LHFPL7: variants seen among roughly 807,000 people sequenced by gnomAD.
LHFPL7 encodes the protein LHFPL tetraspan subfamily member 7 protein.
At chr22:24,938,070 C>CTCCAT in the LHFPL7 span, 21 of 1,498,682 alleles carry the variant, frequency 1.4e-5, no homozygotes, top group African/African-American at 1.4e-4. Flanking sequence ...TGCTCACAGA[C>CTCCAT]TCATTCATTC....
the LHFPL7 span, among the ~76,000 whole-genome samples, chr22:24,942,532 C>T: frequency 5.1e-3 from 771 of 152,316 alleles, 5 homozygotes; most frequent in African/African-American, 0.014. Flanking sequence ...CAGGCACCTG[C>T]GGCACAACCT....
the LHFPL7 span, chr22:24,938,071 T>A: frequency 9.7e-6 from 13 of 1,340,174 alleles, no homozygotes; most frequent in East Asian, 2.6e-5. Context: ...GCTCACAGAC[T>A]CATTCATTCA....
At chr22:24,939,951 A>T in the LHFPL7 span, among the ~76,000 whole-genome samples, 65,994 of 115,850 alleles carry the variant, frequency 0.57, 17,694 homozygotes, top group Admixed American at 0.66. Context: ...TTTTTGAGAC[A>T]GATTATTGCT....
the LHFPL7 span, chr22:24,935,143 C>G: frequency 1.4e-6 from 1 of 701,992 alleles, no homozygotes; most frequent in Non-Finnish European, 2.3e-6. Flanking sequence ...CCAGTGAATT[C>G]TCAGAACAAC....
chr22:24,941,060 GT>G, the LHFPL7 span, among the ~76,000 whole-genome samples: 10,746 of 147,460 alleles, frequency 0.073, 1,012 homozygotes, highest in African/African-American at 0.22. Context: ...CAGCCACTTT[GT>G]TTTTTTTTTA....
chr22:24,936,290 T>TCATCCTACATCCTACATCCTA, the LHFPL7 span, among the ~76,000 whole-genome samples: 2 of 152,134 alleles, frequency 1.3e-5, no homozygotes, highest in Non-Finnish European at 2.9e-5. Context: ...CACCCATCTC[T>TCATCCTACATCCTACATCCTA]CATCCTACAT....
chr22:24,946,411 CCACCCACCCACCCA>C, the LHFPL7 span, among the ~76,000 whole-genome samples: 1 of 110,836 alleles, frequency 9.0e-6, no homozygotes, highest in South Asian at 3.9e-4. Context: ...GCACATGCAC[CCACCCACCCACCCA>C]CACACACACA....
At chr22:24,946,048 A>G in the LHFPL7 span, among the ~76,000 whole-genome samples, 2 of 152,302 alleles carry the variant, frequency 1.3e-5, no homozygotes, top group South Asian at 2.1e-4. Flanking sequence ...GGTGGCTCAC[A>G]CCTATAATCC....
At chr22:24,942,059 G>T in the LHFPL7 span, among the ~76,000 whole-genome samples, 9 of 151,944 alleles carry the variant, frequency 5.9e-5, no homozygotes, top group East Asian at 1.6e-3. Flanking sequence ...GCAGTGGCAC[G>T]ATCTCCATTC....
the LHFPL7 span, chr22:24,935,296 T>C: frequency 6.3e-7 from 1 of 1,590,292 alleles, no homozygotes; most frequent in African/African-American, 1.3e-5. Context: ...TTCATAAAAC[T>C]CTGGAGTGTG....
chr22:24,935,147 G>A, the LHFPL7 span: 847 of 722,984 alleles, frequency 1.2e-3, 2 homozygotes, highest in Non-Finnish European at 1.7e-3. Flanking sequence ...TGAATTCTCA[G>A]AACAACCTTA....
chr22:24,940,583 G>A, the LHFPL7 span, among the ~76,000 whole-genome samples: 10 of 147,042 alleles, frequency 6.8e-5, no homozygotes, highest in Non-Finnish European at 1.3e-4. Context: ...GCGACAGAGC[G>A]AGACTCCGTC....
chr22:24,942,495 A>G, the LHFPL7 span, among the ~76,000 whole-genome samples: 1 of 152,198 alleles, frequency 6.6e-6, no homozygotes, highest in Non-Finnish European at 1.5e-5. Context: ...GCTGCCAACC[A>G]GGCCAAGGGC....
the LHFPL7 span, chr22:24,935,631 C>T: frequency 7.6e-6 from 12 of 1,585,716 alleles, no homozygotes; most frequent in South Asian, 1.2e-4. Flanking sequence ...ATGTGTTGGC[C>T]AAGGGGTACC....
At chr22:24,945,552 C>G in the LHFPL7 span, among the ~76,000 whole-genome samples, 1 of 152,122 alleles carries the variant, frequency 6.6e-6, no homozygotes. Context: ...TGACCTGGGA[C>G]GAAGAACCTG....
At chr22:24,938,099 T>G in the LHFPL7 span, 1 of 1,582,992 alleles carries the variant, frequency 6.3e-7, no homozygotes, top group Admixed American at 1.8e-5. Context: ...ATTCATTCAT[T>G]CCATAAATAT....
chr22:24,944,618 A>G, the LHFPL7 span, among the ~76,000 whole-genome samples: 1 of 152,168 alleles, frequency 6.6e-6, no homozygotes, highest in African/African-American at 2.4e-5. Flanking sequence ...CAGTGGCACA[A>G]TCACAGCTCA....
At chr22:24,945,658 G>A in the LHFPL7 span, among the ~76,000 whole-genome samples, 1 of 152,164 alleles carries the variant, frequency 6.6e-6, no homozygotes, top group Admixed American at 6.5e-5. Flanking sequence ...CCCATCAATC[G>A]ATATATACAG....
At chr22:24,938,008 A>G in the LHFPL7 span, 1 of 1,273,282 alleles carries the variant, frequency 7.9e-7, no homozygotes, top group Non-Finnish European at 1.1e-6. Context: ...GACCAGGAAT[A>G]GTCAACAATC....
Sources: allele counts gnomAD v4.1 joint callset (sites outside exome capture counted in the v4.1 genomes callset), GRCh38; gene constraint gnomAD v4.1.1; transcripts MANE v1.5; gene names NCBI Gene and HGNC (gene_info 2026-07-23, HGNC 2026-07-21).